The following SBSPON variants were observed in gnomAD, a reference collection of about 807,000 sequenced individuals.
The protein encoded by SBSPON is somatomedin-B and thrombospondin type-1 domain-containing protein.
Under a neutral mutation model 35.8 loss-of-function variants are expected in SBSPON, and 30 were observed. The observed-to-expected ratio is 0.84, with a 90% CI of 0.63 to 1.14. SBSPON has a LOEUF of 1.14. Ranked by LOEUF, SBSPON falls within the 50% of genes most tolerant of loss-of-function variation. The pLI, the probability that SBSPON is intolerant of heterozygous loss-of-function variation, is 0.00. For missense variants in SBSPON, 364 were observed against 357.7 expected (o/e 1.02, Z -0.14); for synonymous variants, 136 against 135.9 (o/e 1.00, Z 0.00).
At chr8:73,092,052 C>T (rs1810945235) in intron 1 of SBSPON, among the ~76,000 whole-genome samples, 1 of 152,200 alleles carries the variant, frequency 6.6e-6, no homozygotes, top group Admixed American at 6.5e-5. Flanking sequence ...AGGCTGTACT[C>T]ATCATTTGTT....
chr8:73,075,653 G>C (rs1810580290), intron 2 of SBSPON: 1 of 219,410 alleles, frequency 4.6e-6, no homozygotes, highest in African/African-American at 2.3e-5. Context: ...TACTTACTTT[G>C]AACATGAAAG....
At chr8:73,081,800 TTC>T (rs1810710614) in intron 1 of SBSPON, among the ~76,000 whole-genome samples, 1 of 152,208 alleles carries the variant, frequency 6.6e-6, no homozygotes, top group Admixed American at 6.5e-5. Flanking sequence ...TTACTCTATT[TTC>T]TTTCTCCATG....
intron 2 of SBSPON, 57 bp from the exon 3 acceptor site, chr8:73,071,927 T>C (rs1328834837): frequency 8.4e-7 from 1 of 1,193,644 alleles, no homozygotes; most frequent in Admixed American, 1.7e-5. Flanking sequence ...GACCATCGTT[T>C]CCCAATTTTG....
chr8:73,069,102 C>T (rs1371387238), intron 4 of SBSPON, among the ~76,000 whole-genome samples: 1 of 152,032 alleles, frequency 6.6e-6, no homozygotes, highest in African/African-American at 2.4e-5. Context: ...GGATCCTGAC[C>T]TAAGACATTT....
At chr8:73,081,324 C>T (rs1002681678) in intron 1 of SBSPON, 111 bp from the exon 2 acceptor site, 3 of 883,176 alleles carry the variant, frequency 3.4e-6, no homozygotes, top group African/African-American at 1.7e-5. Context: ...TTGCCTGGCC[C>T]CAGGCCCTGT....
intron 2 of SBSPON, chr8:73,075,694 C>T (rs549752909): frequency 1.2e-5 from 5 of 423,412 alleles, no homozygotes; most frequent in South Asian, 9.8e-5. Context: ...AATTTCATAA[C>T]GCCCTCTGAC....
rs767631429 is a variant in SBSPON at position 73,069,925 on chromosome 8, C to G, written c.557G>C (p.Trp186Ser). The change falls in exon 4 of 5, where the codon TGG becomes TCG. Residue 186 changes from tryptophan to serine, a missense_variant. By Grantham distance (177) the Trp-to-Ser change is radical (BLOSUM62 -3). Transcript: ENST00000297354. ...ATACTGCATCCATCTAGTCAAGGGC[C>G]AGTTTTCCAGAGCACAGTGAGGAGT... ...SLTPHCALEN[W>S]PLTRWMQYLR... The G allele has an allele frequency of 6.2e-7, 1 of 1,611,920 alleles. No individual in the cohort carries two copies. Among genetic ancestry groups the G allele is most frequent in the Non-Finnish European group, 8.5e-7 (1 of 1,178,432 alleles).
At chr8:73,092,176 C>G (rs1810947712) in intron 1 of SBSPON, among the ~76,000 whole-genome samples, 1 of 152,136 alleles carries the variant, frequency 6.6e-6, no homozygotes, top group African/African-American at 2.4e-5. Flanking sequence ...AAAGGAAAAC[C>G]AGCAAGATTA....
chr8:73,071,585 G>A (rs1810492489), intron 3 of SBSPON, among the ~76,000 whole-genome samples, 195 bp downstream of exon 3: 1 of 152,160 alleles, frequency 6.6e-6, no homozygotes, highest in Non-Finnish European at 1.5e-5. Context: ...CTAAGAGGTA[G>A]ATATATCTTT....
In SBSPON at chr8:73,080,177, A is replaced by G. The variant is rs138313006; in HGVS notation, c.409+842T>C. 3.7e-3 allele frequency among the ~76,000 whole-genome samples: 556 copies of G among 152,208 alleles called. 3 individuals carry two copies. The highest frequency in any genetic ancestry group is 5.4e-3 in the Non-Finnish European group (370 of 68,010). ...ATCTTTTCAAATTACATTAGCCCCA[A>G]TCCAGTCTTGAGAGGAGGGGCAGGT... On this transcript the variant is annotated intron_variant, in intron 2 of 4. Transcript: ENST00000297354.
At chr8:73,077,828 G>C (rs1336066424) in intron 2 of SBSPON, among the ~76,000 whole-genome samples, 1 of 152,160 alleles carries the variant, frequency 6.6e-6, no homozygotes, top group African/African-American at 2.4e-5. Flanking sequence ...GGGATCATAT[G>C]ATCAAATTAA....
intron 2 of SBSPON, among the ~76,000 whole-genome samples, chr8:73,076,284 T>C (rs934583701): frequency 3.3e-5 from 5 of 152,168 alleles, no homozygotes; most frequent in Non-Finnish European, 7.3e-5. Flanking sequence ...AATGTCCATG[T>C]CCTGATCCCC....
Position 73,092,907 on chromosome 8 carries a change from T to A in SBSPON, c.161A>T (p.Gln54Leu). Reference protein sequence around the residue: ...DRVYGTCFCDQACRFTGDCCF... With the variant: ...DRVYGTCFCDLACRFTGDCCF... ...GCAGTCCCCGGTGAAGCGACAGGCTTGGTCGCAGAAACACGTCCCGTAGAC... is the reference window on the plus strand; with the variant it reads ...GCAGTCCCCGGTGAAGCGACAGGCTAGGTCGCAGAAACACGTCCCGTAGAC... Residue 54 changes from glutamine to leucine, a missense_variant, in exon 1 of 5, where the codon CAA (glutamine) becomes CTA (leucine). Transcript: ENST00000297354. 2 of 1,611,570 alleles carry A rather than the reference T, an allele frequency of 1.2e-6. No homozygotes were observed. Among genetic ancestry groups the A allele is most frequent in the Non-Finnish European group, 1.7e-6 (2 of 1,179,410 alleles).
chr8:73,087,423 G>C (rs1810853363), intron 1 of SBSPON, among the ~76,000 whole-genome samples: 1 of 152,198 alleles, frequency 6.6e-6, no homozygotes. Context: ...GAAATGTGAA[G>C]TGTTAACAAC....
chr8:73,079,689 G>T (rs577864468), intron 2 of SBSPON, among the ~76,000 whole-genome samples: 1 of 151,916 alleles, frequency 6.6e-6, no homozygotes, highest in African/African-American at 2.4e-5. Context: ...GATTACACCC[G>T]CTGAGAGCTC....
At position 73,074,638 on chromosome 8, in the gene SBSPON, T is replaced by C. The variant is rs981509141; in HGVS notation, c.410-2768A>G. 3.3e-6 allele frequency: 3 copies of C among 916,110 alleles called. No individual in the cohort carries two copies. The African/African-American group carries it at 5.4e-5, about 17-fold the overall frequency. The allele number at this position is 916,110 out of a possible 1,614,324, so 56.7% of individuals were successfully genotyped here. ...AGTACTGTTTGCAGCATCTTTCCCA[T>C]GAATTATTTAAATTTGGCTTTATTT... On this transcript the variant is annotated intron_variant, in intron 2 of 4. Transcript: ENST00000297354.
chr8:73,074,635 C>T, intron 2 of SBSPON: 16 of 925,284 alleles, frequency 1.7e-5, no homozygotes, highest in Non-Finnish European at 2.1e-5. Flanking sequence ...AGCATCTTTC[C>T]CATGAATTAT....
chr8:73,075,472 A>G (rs897928116), intron 2 of SBSPON, among the ~76,000 whole-genome samples: 6 of 152,234 alleles, frequency 3.9e-5, no homozygotes, highest in African/African-American at 1.4e-4. Context: ...GTAACCCAGC[A>G]TCCCTGGGAC....
At position 73,075,217 on chromosome 8, in the gene SBSPON, C is replaced by G. The variant is rs779172419; in HGVS notation, c.410-3347G>C. On this transcript the variant is annotated intron_variant, in intron 2 of 4. Coordinates refer to ENST00000297354, the MANE Select transcript of SBSPON (RefSeq NM_153225.4). ...TTTCTATCAAGCTCAGTTTCATGCT[C>G]TTGGGATTAGGGTGCATCCTAAGAG... 2.2e-4 allele frequency among the ~76,000 whole-genome samples: 33 copies of G among 152,152 alleles called. 1 individual carries two copies. Among genetic ancestry groups the G allele is most frequent in the Admixed American group, 1.3e-4 (2 of 15,274 alleles).
Sources: allele counts gnomAD v4.1 joint callset (sites outside exome capture counted in the v4.1 genomes callset), GRCh38; gene constraint gnomAD v4.1.1; transcripts MANE v1.5; gene names NCBI Gene and HGNC (gene_info 2026-07-23, HGNC 2026-07-21).